Variants in PCDHA11 observed in about 807,000 individuals in gnomAD.
PCDHA11 encodes protocadherin alpha 11, also known as protocadherin alpha-11.
PCDHA11 carries 61 observed loss-of-function variants against 70.3 expected under a neutral mutation model. The ratio of observed to expected loss-of-function variants is 0.87; its 90% CI spans 0.71 to 1.07. PCDHA11 has a LOEUF of 1.07. PCDHA11 is among the 50% of genes least tolerant of loss of function. The probability of loss-of-function intolerance (pLI) is 0.00; values close to 1 mark genes in which losing one functional copy is unlikely to be tolerated. For missense variants in PCDHA11, 1,324 were observed against 1,237.5 expected, an observed-to-expected ratio of 1.07 and a Z score of -1.05; for synonymous variants, 633 against 555.1, an observed-to-expected ratio of 1.14 and a Z score of -1.97.
Position 141,011,113 on chromosome 5 carries a change from GAAAC to G in PCDHA11, c.*1179_*1182del, listed in dbSNP as rs1378492452. 6.5e-6 allele frequency: 1 copy of G among 153,504 alleles called. No homozygotes were observed. The highest frequency in any genetic ancestry group is 2.4e-5 in the African/African-American group (1 of 41,342). 9.5% of individuals were successfully genotyped at this position (153,504 alleles called of 1,614,324 possible). A position where few individuals can be genotyped will look rare whatever the true frequency, so the allele number is the denominator to read the frequency against. ...TTCTCTCTCTCTCTCTCTTTTCTAA[GAAAC>G]AATTATGTGCACTTTGATACACAAC... On this transcript the variant is annotated 3_prime_UTR_variant, in exon 4 of 4. Coordinates refer to ENST00000398640, the MANE Select transcript of PCDHA11 (RefSeq NM_018902.5).
intron 1 of PCDHA11, among the ~76,000 whole-genome samples, chr5:140,875,039 A>AT: frequency 3.9e-5 from 6 of 152,348 alleles, no homozygotes; most frequent in Admixed American, 3.9e-4. Context: ...TATTTGAAAG[A>AT]TTTCTACTTT....
intron 2 of PCDHA11, among the ~76,000 whole-genome samples, chr5:140,981,687 ATCATTCAT>A (rs200213847): frequency 3.3e-5 from 5 of 151,972 alleles, no homozygotes; most frequent in South Asian, 2.1e-4. Flanking sequence ...CCTCCCTTCC[ATCATTCAT>A]TCATTCATTC....
At chr5:140,927,754 C>T (rs1554205003) in intron 1 of PCDHA11, 1 of 1,614,030 alleles carries the variant, frequency 6.2e-7, no homozygotes, top group African/African-American at 1.3e-5. Flanking sequence ...TCACGTGCAC[C>T]CTAAAAGTGG....
intron 1 of PCDHA11, among the ~76,000 whole-genome samples, chr5:140,940,004 A>AT (rs1326829458): frequency 2.6e-5 from 4 of 152,120 alleles, no homozygotes; most frequent in Admixed American, 1.3e-4. Context: ...GATTTTGTCA[A>AT]TTTTTTGTGT....
intron 1 of PCDHA11, among the ~76,000 whole-genome samples, chr5:140,879,635 G>A (rs190054745): frequency 3.8e-4 from 58 of 152,286 alleles, no homozygotes; most frequent in African/African-American, 1.2e-3. Context: ...TAAGTGTGTC[G>A]CTTCCTGTGG....
intron 1 of PCDHA11, chr5:140,927,199 G>A: frequency 4.3e-6 from 7 of 1,614,128 alleles, no homozygotes; most frequent in Non-Finnish European, 5.9e-6. Context: ...GGTGCTCGAG[G>A]ACCCGCTGGA....
At chr5:140,924,507 C>T (rs2081871616) in intron 1 of PCDHA11, among the ~76,000 whole-genome samples, 1 of 152,168 alleles carries the variant, frequency 6.6e-6, no homozygotes, top group African/African-American at 2.4e-5. Context: ...CAATCCCACT[C>T]TTAGTGTTAA....
intron 1 of PCDHA11, among the ~76,000 whole-genome samples, chr5:140,947,620 T>C (rs1554218262): frequency 6.6e-6 from 1 of 151,706 alleles, no homozygotes; most frequent in African/African-American, 2.4e-5. Flanking sequence ...CTTAACAATA[T>C]TGAGTCATCA....
chr5:140,899,069 A>G (rs1554188379), intron 1 of PCDHA11, among the ~76,000 whole-genome samples: 1 of 152,164 alleles, frequency 6.6e-6, no homozygotes, highest in Non-Finnish European at 1.5e-5. Flanking sequence ...GAAGTTGCTT[A>G]TCAGCTTAAG....
At chr5:140,961,984 C>T (rs1037951528) in intron 1 of PCDHA11, among the ~76,000 whole-genome samples, 69 of 151,884 alleles carry the variant, frequency 4.5e-4, no homozygotes, top group African/African-American at 1.5e-3. Context: ...CCTGGGTTCA[C>T]GCCATTGTCC....
At chr5:140,955,654 AT>A (rs1264049969) in intron 1 of PCDHA11, among the ~76,000 whole-genome samples, 1 of 152,208 alleles carries the variant, frequency 6.6e-6, no homozygotes, top group Non-Finnish European at 1.5e-5. Flanking sequence ...TAATACACAT[AT>A]GAATTTTAAC....
At chr5:140,973,400 A>G (rs2096585870) in intron 1 of PCDHA11, among the ~76,000 whole-genome samples, 1 of 152,244 alleles carries the variant, frequency 6.6e-6, no homozygotes, top group Non-Finnish European at 1.5e-5. Flanking sequence ...AATCATATCT[A>G]TGAGCTTCCA....
chr5:140,999,265 A>G (rs1554256725), intron 3 of PCDHA11, among the ~76,000 whole-genome samples: 1 of 152,226 alleles, frequency 6.6e-6, no homozygotes, highest in African/African-American at 2.4e-5. Flanking sequence ...GTAAAGGAAT[A>G]CTGCATAGTA....
intron 3 of PCDHA11, among the ~76,000 whole-genome samples, chr5:141,008,162 G>A (rs1280112352): frequency 6.6e-6 from 1 of 152,128 alleles, no homozygotes; most frequent in East Asian, 1.9e-4. Flanking sequence ...ATAAGATGAG[G>A]ACTAAAATGT....
intron 3 of PCDHA11, among the ~76,000 whole-genome samples, chr5:140,987,129 G>A (rs1281954011): frequency 1.3e-5 from 2 of 151,758 alleles, no homozygotes; most frequent in African/African-American, 4.8e-5. Flanking sequence ...CAGGAGAATT[G>A]CTTGAACTCG....
At position 140,992,285 on chromosome 5, in the gene PCDHA11, A is replaced by G. The variant is rs114469876; in HGVS notation, c.2539+9722A>G. On this transcript the variant is annotated intron_variant, in intron 3 of 3. Transcript: ENST00000398640. ...AGTTCTTTTCGTAGCACATCCCTGCAAAGGATGGGAGTATTGTTTTGGTGG... is the reference window on the plus strand; with the variant it reads ...AGTTCTTTTCGTAGCACATCCCTGCGAAGGATGGGAGTATTGTTTTGGTGG... 2.6e-3 allele frequency among the ~76,000 whole-genome samples: 395 copies of G among 152,336 alleles called. 1 individual carries two copies. The highest frequency in any genetic ancestry group is 8.7e-3 in the African/African-American group (360 of 41,578).
chr5:140,883,534 A>G, intron 1 of PCDHA11: 1 of 1,614,196 alleles, frequency 6.2e-7, no homozygotes, highest in Non-Finnish European at 8.5e-7. Context: ...CAGCCTATGA[A>G]CTGGTGGTGA....
At position 140,877,676 on chromosome 5, in the gene PCDHA11, G is replaced by A. The variant is rs781985023; in HGVS notation, c.2391+6182G>A. ...CCCACCGTGAGCCGGTGCGCGCCGG[G>A]CAAGCCCACGCTGGTGTGCTCCAGC... On this transcript the variant is annotated intron_variant, in intron 1 of 3. Coordinates refer to ENST00000398640, the MANE Select transcript of PCDHA11 (RefSeq NM_018902.5). The A allele has an allele frequency of 8.7e-6, 14 of 1,613,488 alleles. No homozygotes were observed. The African/African-American group carries it at 1.2e-4, about 14-fold the overall frequency.
chr5:140,887,242 G>A (rs1445154638), intron 1 of PCDHA11, among the ~76,000 whole-genome samples: 2 of 151,722 alleles, frequency 1.3e-5, no homozygotes, highest in African/African-American at 4.8e-5. Flanking sequence ...GACTACCGGC[G>A]CCCGCCACCA....
Sources: allele counts gnomAD v4.1 joint callset (sites outside exome capture counted in the v4.1 genomes callset), GRCh38; gene constraint gnomAD v4.1.1; transcripts MANE v1.5; gene names NCBI Gene and HGNC (gene_info 2026-07-23, HGNC 2026-07-21).